The following RBFOX1 variants were observed in gnomAD, a reference collection of about 807,000 sequenced individuals.
RBFOX1 encodes RNA binding fox-1 homolog 1, also known as RNA binding protein fox-1 homolog 1.
A neutral mutation model predicts 57.7 loss-of-function variants in RBFOX1; 8 were observed. The ratio of observed to expected loss-of-function variants is 0.14; its 90% CI spans 0.08 to 0.25. RBFOX1 has a LOEUF of 0.25. Among genes scored for constraint, RBFOX1 ranks in the 10% least tolerant of loss-of-function variants. RBFOX1 has a pLI of 1.00. For synonymous variants in RBFOX1, 326 were observed against 222.4 expected (o/e 1.47, Z -4.15); for missense variants, 611 against 548.5 (o/e 1.11, Z -1.14).
rs1406816316 is a variant in RBFOX1, at chr16:7,429,229, T to C, written c.28-88918T>C. 2.0e-5 allele frequency among the ~76,000 whole-genome samples: 3 copies of C among 152,304 alleles called. No homozygotes were observed. In the East Asian group the frequency reaches 5.8e-4, roughly 29 times the overall value. On this transcript the variant is annotated intron_variant, in intron 4 of 15. Transcript: ENST00000550418. ...GACAGAGGCACAGCAACATCCTCTC[T>C]CTGGTCACCCCTTCCCTGCTCACCC...
intron 4 of RBFOX1, among the ~76,000 whole-genome samples, chr16:7,079,973 A>C (rs931946335): frequency 7.2e-4 from 107 of 148,368 alleles, no homozygotes; most frequent in Non-Finnish European, 1.6e-4. Flanking sequence ...TATGCATTTA[A>C]ATTAGTTAAA....
chr16:7,678,409 T>A (rs1200316767), intron 14 of RBFOX1, among the ~76,000 whole-genome samples: 3 of 152,218 alleles, frequency 2.0e-5, no homozygotes, highest in African/African-American at 7.2e-5. Context: ...TATTAAATTC[T>A]GCACTGAAGC....
chr16:6,614,825 C>A (rs1274171992), intron 2 of RBFOX1, among the ~76,000 whole-genome samples: 1 of 152,162 alleles, frequency 6.6e-6, no homozygotes, highest in East Asian at 1.9e-4. Context: ...TCACCCTACT[C>A]CAGGGTTACC....
chr16:7,040,486 G>T (rs768273721), intron 3 of RBFOX1, among the ~76,000 whole-genome samples: 1 of 152,106 alleles, frequency 6.6e-6, no homozygotes, highest in Non-Finnish European at 1.5e-5. Context: ...TAAAACTGAT[G>T]CATGCTCATT....
intron 3 of RBFOX1, among the ~76,000 whole-genome samples, chr16:5,837,650 G>A (rs1425051458): frequency 6.6e-6 from 1 of 151,642 alleles, no homozygotes; most frequent in Admixed American, 6.6e-5. Context: ...CTCTTTTGCG[G>A]GTACAGGCAA....
chr16:7,690,682 T>C (rs1321436664), intron 14 of RBFOX1, among the ~76,000 whole-genome samples: 1 of 140,270 alleles, frequency 7.1e-6, no homozygotes, highest in Non-Finnish European at 1.6e-5. Context: ...TTAATTTTTC[T>C]GAAGTTGTTT....
intron 2 of RBFOX1, among the ~76,000 whole-genome samples, chr16:6,539,800 A>AACACAGACAC: frequency 1.7e-5 from 1 of 57,552 alleles, no homozygotes; most frequent in South Asian, 5.7e-4. Context: ...TGCATCTCAA[A>AACACAGACAC]ACACAGACAC....
Position 6,949,722 on chromosome 16 carries a change from G to A in RBFOX1, c.-15-102335G>A, listed in dbSNP as rs111256459. Among the ~76,000 whole-genome samples the A allele has an allele frequency of 5.7e-3, 872 of 152,156 alleles. 14 individuals carry two copies. Among genetic ancestry groups the A allele is most frequent in the African/African-American group, 0.02 (816 of 41,528 alleles). On this transcript the variant is annotated intron_variant, in intron 3 of 15. Coordinates refer to ENST00000550418, the MANE Select transcript of RBFOX1 (RefSeq NM_018723.4). Reference sequence around the variant, plus strand: ...AGGTCCTACCTCCACATATAGTCACGTTAGGAGTTAAGACTTCAACTAGGA... The same window carrying A: ...AGGTCCTACCTCCACATATAGTCACATTAGGAGTTAAGACTTCAACTAGGA...
At chr16:7,138,850 C>G (rs1289008315) in intron 4 of RBFOX1, among the ~76,000 whole-genome samples, 3 of 152,186 alleles carry the variant, frequency 2.0e-5, no homozygotes, top group African/African-American at 7.2e-5. Context: ...GCTCTGCTGC[C>G]TAGCCTGGAG....
At chr16:7,644,913 C>CTGTT (rs1371846406) in intron 11 of RBFOX1, among the ~76,000 whole-genome samples, 1 of 152,132 alleles carries the variant, frequency 6.6e-6, no homozygotes, top group African/African-American at 2.4e-5. Flanking sequence ...GTCAAGTTCA[C>CTGTT]TGTTAGAGCC....
intron 1 of RBFOX1, among the ~76,000 whole-genome samples, chr16:6,291,396 G>A (rs187216671): frequency 2.9e-4 from 44 of 152,262 alleles, no homozygotes; most frequent in African/African-American, 8.7e-4. Flanking sequence ...GGTGGAGGCC[G>A]CAGGGACGGA....
chr16:7,358,963 T>G (rs371510925), intron 4 of RBFOX1, among the ~76,000 whole-genome samples: 1 of 152,238 alleles, frequency 6.6e-6, no homozygotes, highest in African/African-American at 2.4e-5. Context: ...CTCCTTTTAA[T>G]AGACAATTAG....
chr16:5,780,763 C>T (rs118042128), intron 3 of RBFOX1, among the ~76,000 whole-genome samples: 3,971 of 152,280 alleles, frequency 0.026, 86 homozygotes, highest in Non-Finnish European at 0.039. Context: ...AGGCAGCTCC[C>T]GAGAGAAGCA....
intron 4 of RBFOX1, among the ~76,000 whole-genome samples, chr16:5,956,660 A>G (rs868024595): frequency 1.4e-5 from 1 of 69,592 alleles, no homozygotes; most frequent in South Asian, 4.3e-4. Flanking sequence ...ATATATATTT[A>G]TATATATATA....
Position 7,246,168 on chromosome 16 carries a change from C to G in RBFOX1, c.27+194070C>G, listed in dbSNP as rs190866214. ...ATGTTTTGTTCAAGTTTGCTGAAGC[C>G]AAGACTAATTTAGAATTAGGGAAGT... On this transcript the variant is annotated intron_variant, in intron 4 of 15. Transcript: ENST00000550418. 3.3e-5 allele frequency among the ~76,000 whole-genome samples: 5 copies of G among 152,170 alleles called. No homozygotes were observed. The East Asian group carries it at 9.6e-4, about 29-fold the overall frequency.
At chr16:7,567,151 C>CTATATATATATCCATATATATATCCCTA (rs1567863327) in intron 5 of RBFOX1, among the ~76,000 whole-genome samples, 6,375 of 58,618 alleles carry the variant, frequency 0.11, 1,995 homozygotes, top group Non-Finnish European at 0.18. Context: ...ATATATATCC[C>CTATATATATATCCATATATATATCCCTA]TATATATATA....
At chr16:6,213,253 T>A (rs1177074725) in intron 1 of RBFOX1, among the ~76,000 whole-genome samples, 1 of 152,242 alleles carries the variant, frequency 6.6e-6, no homozygotes, top group Non-Finnish European at 1.5e-5. Flanking sequence ...GAACGCTTAA[T>A]TATTTCTTTC....
At chr16:7,315,697 A>G (rs1228931632) in intron 4 of RBFOX1, among the ~76,000 whole-genome samples, 1 of 151,820 alleles carries the variant, frequency 6.6e-6, no homozygotes, top group Non-Finnish European at 1.5e-5. Context: ...TCATCATGGG[A>G]CATATGATAC....
At chr16:5,834,227 G>A (rs1254840802) in intron 3 of RBFOX1, among the ~76,000 whole-genome samples, 1 of 152,198 alleles carries the variant, frequency 6.6e-6, no homozygotes, top group Non-Finnish European at 1.5e-5. Context: ...CATCTGAATA[G>A]TGTATATTGT....
Sources: allele counts gnomAD v4.1 joint callset (sites outside exome capture counted in the v4.1 genomes callset), GRCh38; gene constraint gnomAD v4.1.1; transcripts MANE v1.5; gene names NCBI Gene and HGNC (gene_info 2026-07-23, HGNC 2026-07-21).